The following STXBP6 variants were observed in gnomAD, a reference collection of about 807,000 sequenced individuals.
STXBP6 encodes syntaxin-binding protein 6.
Under a neutral mutation model 26.9 loss-of-function variants are expected in STXBP6, and 21 were observed. The ratio of observed to expected loss-of-function variants is 0.78; its 90% CI spans 0.55 to 1.12. The LOEUF (loss-of-function observed/expected upper bound fraction) is 1.12, where lower values mean the gene tolerates loss of function less well. Ranked by LOEUF, STXBP6 falls within the 50% of genes most tolerant of loss-of-function variation. The probability of loss-of-function intolerance (pLI) is 0.00; values close to 1 mark genes in which losing one functional copy is unlikely to be tolerated. For synonymous variants in STXBP6, 97 were observed against 92.6 expected (o/e 1.05, Z -0.27); for missense variants, 232 against 257.9 (o/e 0.90, Z 0.69).
intron 2 of STXBP6, among the ~76,000 whole-genome samples, chr14:24,882,971 A>G (rs1595038216): frequency 6.6e-6 from 1 of 152,222 alleles, no homozygotes; most frequent in Non-Finnish European, 1.5e-5. Context: ...AGGTCATGAC[A>G]TTGTTTATAG....
chr14:24,937,292 A>G (rs2072636661), intron 2 of STXBP6, among the ~76,000 whole-genome samples: 2 of 152,268 alleles, frequency 1.3e-5, no homozygotes, highest in South Asian at 4.1e-4. Context: ...TATAATTTAA[A>G]AAAAAGTAAA....
chr14:24,879,378 A>C (rs2070268779), intron 2 of STXBP6, among the ~76,000 whole-genome samples: 1 of 152,194 alleles, frequency 6.6e-6, no homozygotes, highest in African/African-American at 2.4e-5. Flanking sequence ...TGTACCCCAA[A>C]GCTTTTCCGG....
chr14:24,844,790 T>C (rs1158864211), intron 4 of STXBP6, among the ~76,000 whole-genome samples: 1 of 152,146 alleles, frequency 6.6e-6, no homozygotes, highest in Non-Finnish European at 1.5e-5. Context: ...ATCCAGCCAG[T>C]GAATGTGAAC....
At chr14:24,973,376 T>G (rs947670965) in intron 2 of STXBP6, among the ~76,000 whole-genome samples, 10 of 109,656 alleles carry the variant, frequency 9.1e-5, no homozygotes, top group South Asian at 3.0e-4. Flanking sequence ...AAAAGCTTTC[T>G]TCCTTTTTTT....
intron 1 of STXBP6, among the ~76,000 whole-genome samples, chr14:25,002,810 C>CA (rs1011338435): frequency 6.6e-6 from 1 of 151,826 alleles, no homozygotes; most frequent in Non-Finnish European, 1.5e-5. Context: ...TCTTGTTGCC[C>CA]AGGCTGGGCA....
In STXBP6 at chr14:24,965,338, T is replaced by C. The variant is rs183173997; in HGVS notation, c.154+9327A>G. Among the ~76,000 whole-genome samples, 218 of 120,434 alleles carry C rather than the reference T, an allele frequency of 1.8e-3. 8 individuals are homozygous for C. Among genetic ancestry groups the C allele is most frequent in the Non-Finnish European group, 2.6e-3 (143 of 55,772 alleles). The allele number at this position is 120,434 out of a possible 152,430, so 79.0% of individuals were successfully genotyped here. A position where few individuals can be genotyped will look rare whatever the true frequency, so the allele number is the denominator to read the frequency against. On this transcript the variant is annotated intron_variant, in intron 2 of 5. Transcript: ENST00000323944. The stretch of plus-strand genomic sequence containing the variant: ...ACATACATATTAACATGTTTTTTCT[T>C]TTTGCTGTTGTCTTATAAATGTCTT...
chr14:24,999,584 T>G (rs1319738347), intron 1 of STXBP6, among the ~76,000 whole-genome samples: 1 of 152,108 alleles, frequency 6.6e-6, no homozygotes, highest in East Asian at 1.9e-4. Flanking sequence ...ATGAATACAA[T>G]GTTACGGGAA....
chr14:24,855,523 T>G (rs1334161169), intron 4 of STXBP6, among the ~76,000 whole-genome samples: 2 of 152,100 alleles, frequency 1.3e-5, no homozygotes, highest in Admixed American at 6.6e-5. Context: ...TCTGTTGGAA[T>G]TTTTATATTA....
At chr14:25,036,713 G>A (rs1403158483) in intron 1 of STXBP6, among the ~76,000 whole-genome samples, 2 of 151,738 alleles carry the variant, frequency 1.3e-5, no homozygotes, top group Non-Finnish European at 2.9e-5. Context: ...AAAATTAGCC[G>A]GGCGTGGTGG....
At chr14:24,819,226 T>C in intron 4 of STXBP6, 32 bp from the exon 5 acceptor site, 1 of 1,613,208 alleles carries the variant, frequency 6.2e-7, no homozygotes, top group Non-Finnish European at 8.5e-7. Flanking sequence ...CATCAGAAAC[T>C]GGCTCAGCTG....
chr14:25,013,553 G>GTACT (rs2075081435), intron 1 of STXBP6, among the ~76,000 whole-genome samples: 1 of 151,038 alleles, frequency 6.6e-6, no homozygotes, highest in African/African-American at 2.4e-5. Context: ...TGCTCATATA[G>GTACT]TACTTTTGAC....
At chr14:24,832,385 C>T (rs1013076992) in intron 4 of STXBP6, among the ~76,000 whole-genome samples, 1 of 152,142 alleles carries the variant, frequency 6.6e-6, no homozygotes, top group African/African-American at 2.4e-5. Context: ...AATTGAGAAC[C>T]TCACCTCATA....
chr14:25,023,285 C>T (rs371981822), intron 1 of STXBP6, among the ~76,000 whole-genome samples: 3 of 149,572 alleles, frequency 2.0e-5, no homozygotes, highest in South Asian at 4.2e-4. Flanking sequence ...TGGAATAGGA[C>T]AAACACGACT....
intron 4 of STXBP6, among the ~76,000 whole-genome samples, chr14:24,838,583 C>G (rs980956115): frequency 1.1e-4 from 16 of 151,956 alleles, no homozygotes; most frequent in Admixed American, 6.6e-4. Flanking sequence ...ATTCGGGAGG[C>G]TGAGGCAGAA....
intron 4 of STXBP6, 128 bp from the exon 5 acceptor site, chr14:24,819,322 T>A: frequency 9.4e-7 from 1 of 1,061,268 alleles, no homozygotes; most frequent in Non-Finnish European, 1.4e-6. Context: ...GTCTAGTGTC[T>A]AGGAAACAAG....
At chr14:25,048,917 C>G (rs1167154285) in intron 1 of STXBP6, 1 of 154,706 alleles carries the variant, frequency 6.5e-6, no homozygotes, top group African/African-American at 2.4e-5. Flanking sequence ...GGAAGGCAAT[C>G]TTAGGAGAGG....
chr14:25,043,583 A>G (rs373159327), intron 1 of STXBP6, among the ~76,000 whole-genome samples: 1 of 152,172 alleles, frequency 6.6e-6, no homozygotes, highest in South Asian at 2.1e-4. Flanking sequence ...GAAACCTCAG[A>G]CCCATCAACA....
At chr14:24,941,083 T>G (rs1202818145) in intron 2 of STXBP6, among the ~76,000 whole-genome samples, 1 of 152,068 alleles carries the variant, frequency 6.6e-6, no homozygotes, top group African/African-American at 2.4e-5. Flanking sequence ...AAGCAGGAGA[T>G]ATATCTCAAC....
chr14:24,861,239 C>T (rs2069528353), intron 2 of STXBP6, among the ~76,000 whole-genome samples: 1 of 152,082 alleles, frequency 6.6e-6, no homozygotes, highest in South Asian at 2.1e-4. Context: ...CTCTGCTCTG[C>T]TGGAGTCTAA....
Sources: gnomAD v4.1 joint callset for allele counts (sites outside exome capture counted in the v4.1 genomes callset) on GRCh38, gnomAD v4.1.1 for gene constraint, MANE v1.5 for transcripts, NCBI Gene and HGNC (gene_info 2026-07-23, HGNC 2026-07-21) for gene names.